GATAD1: variants seen among roughly 807,000 people sequenced by gnomAD.
GATAD1 encodes the protein GATA zinc finger domain-containing protein 1.
GATAD1 carries 12 observed loss-of-function variants against 26.5 expected under a neutral mutation model. The ratio of observed to expected loss-of-function variants is 0.45; its 90% CI spans 0.29 to 0.73. The LOEUF (loss-of-function observed/expected upper bound fraction) is 0.73. Ranked by LOEUF, GATAD1 falls within the 30% of genes least tolerant of loss-of-function variation. The pLI is 0.10. For synonymous variants in GATAD1, 129 were observed against 133.1 expected, an observed-to-expected ratio of 0.97 and a Z score of 0.21; for missense variants, 266 against 342.1, an observed-to-expected ratio of 0.78 and a Z score of 1.75.
the GATAD1 span, among the ~76,000 whole-genome samples, chr7:92,467,985 C>T: frequency 1.3e-5 from 2 of 152,178 alleles, no homozygotes; most frequent in African/African-American, 4.8e-5. Flanking sequence ...ACTTGGGGGT[C>T]CTTGCTCACA....
chr7:92,468,435 AGGGAGG>A, the GATAD1 span: 1 of 199,870 alleles, frequency 5.0e-6, no homozygotes, highest in Non-Finnish European at 1.0e-5. Context: ...TCCCATACAA[AGGGAGG>A]GGACCCAAAG....
the GATAD1 span, among the ~76,000 whole-genome samples, chr7:92,482,911 TGAAAA>T: frequency 1.3e-5 from 2 of 151,948 alleles, no homozygotes; most frequent in Non-Finnish European, 2.9e-5. Context: ...AACAGGCCCT[TGAAAA>T]GAAGGTGATG....
intron 3 of GATAD1, 165 bp from the exon 4 acceptor site, chr7:92,454,337 A>C: frequency 3.3e-6 from 2 of 606,398 alleles, no homozygotes; most frequent in Non-Finnish European, 5.8e-6. Flanking sequence ...TTCAAACGTG[A>C]AACAACTTTA....
intron 4 of GATAD1, among the ~76,000 whole-genome samples, chr7:92,455,116 G>T (rs939416423): frequency 3.3e-5 from 5 of 151,426 alleles, no homozygotes; most frequent in African/African-American, 7.3e-5. Flanking sequence ...GTGGCGGGGG[G>T]GGATGCAATT....
the GATAD1 span, chr7:92,489,248 A>G: frequency 6.4e-7 from 1 of 1,554,114 alleles, no homozygotes; most frequent in Non-Finnish European, 8.9e-7. Flanking sequence ...ATACTATGTC[A>G]CTTGTAATAG....
At chr7:92,492,480 T>C in the GATAD1 span, among the ~76,000 whole-genome samples, 1 of 152,106 alleles carries the variant, frequency 6.6e-6, no homozygotes, top group African/African-American at 2.4e-5. Context: ...AATAACTTAC[T>C]GTATCTGGAA....
At chr7:92,468,552 C>T in the GATAD1 span, 1 of 425,552 alleles carries the variant, frequency 2.3e-6, no homozygotes. Context: ...TCTTTACCTC[C>T]TGTCTTTGCC....
the GATAD1 span, among the ~76,000 whole-genome samples, chr7:92,483,482 G>A: frequency 6.6e-6 from 1 of 152,214 alleles, no homozygotes; most frequent in Non-Finnish European, 1.5e-5. Flanking sequence ...AATTTTTGGA[G>A]CTTTATTTAA....
chr7:92,494,339 C>G, the GATAD1 span: 1 of 1,613,984 alleles, frequency 6.2e-7, no homozygotes, highest in South Asian at 1.1e-5. Context: ...TCGACCAGGC[C>G]TAAGCAGGGC....
In GATAD1 at chr7:92,456,832, A is replaced by G. The variant is rs1789694000; in HGVS notation, c.*270A>G. 1 of 331,172 alleles carries G rather than the reference A, an allele frequency of 3.0e-6. No homozygotes were observed. The highest frequency in any genetic ancestry group is 4.8e-5 in the Admixed American group (1 of 21,048). 20.5% of individuals were successfully genotyped at this position (331,172 alleles called of 1,614,324 possible). Reference sequence around the variant, plus strand: ...AACAAATCATTGTTTATTACTGGTCACTTAGAAAATTAAAAGGGATAGGGC... The same window carrying G: ...AACAAATCATTGTTTATTACTGGTCGCTTAGAAAATTAAAAGGGATAGGGC... On this transcript the variant is annotated 3_prime_UTR_variant, in exon 5 of 5. Coordinates refer to ENST00000287957, the MANE Select transcript of GATAD1 (RefSeq NM_021167.5).
the GATAD1 span, among the ~76,000 whole-genome samples, chr7:92,480,870 T>C: frequency 6.6e-6 from 1 of 152,164 alleles, no homozygotes; most frequent in African/African-American, 2.4e-5. Flanking sequence ...AGAGTTTTTA[T>C]TAAAGAGGCA....
intron 2 of GATAD1, 55 bp from the exon 3 acceptor site, chr7:92,450,646 T>C: frequency 8.6e-7 from 1 of 1,159,018 alleles, no homozygotes; most frequent in Non-Finnish European, 1.3e-6. Context: ...GCTGGGAAAA[T>C]GCCTGTAGAC....
chr7:92,489,457 A>AT, the GATAD1 span: 42 of 1,596,224 alleles, frequency 2.6e-5, no homozygotes, highest in African/African-American at 5.6e-4. Context: ...GAAGAGTTAA[A>AT]TTAAGGATGT....
At position 92,456,409 on chromosome 7, in the gene GATAD1, G is replaced by C; in HGVS notation, c.657G>C (p.Leu219Phe). 1 of 1,612,862 alleles carries C rather than the reference G, an allele frequency of 6.2e-7. No homozygotes were observed. The highest frequency in any genetic ancestry group is 8.5e-7 in the Non-Finnish European group (1 of 1,179,178). Residue 219 changes from leucine to phenylalanine, a missense_variant, in exon 5 of 5, where the codon TTG (leucine) becomes TTC (phenylalanine). Physicochemically the swap from Leu to Phe is conservative, Grantham distance 22. Coordinates refer to ENST00000287957, the MANE Select transcript of GATAD1 (RefSeq NM_021167.5). ...ATCTTCCAAGGAAGATGGAATACTTGGAATTTGTTTGTCATGCACCTTCTG... is the reference window on the plus strand; with the variant it reads ...ATCTTCCAAGGAAGATGGAATACTTCGAATTTGTTTGTCATGCACCTTCTG... ...EEDLPRKMEY[L>F]EFVCHAPSEY...
chr7:92,448,013 C>T, intron 1 of GATAD1, 35 bp downstream of exon 1: 1 of 1,204,394 alleles, frequency 8.3e-7, no homozygotes, highest in Non-Finnish European at 1.0e-6. Flanking sequence ...CGGCGGAGGC[C>T]GACCAGGTGC....
chr7:92,485,879 G>C, the GATAD1 span, among the ~76,000 whole-genome samples: 1 of 152,252 alleles, frequency 6.6e-6, no homozygotes, highest in African/African-American at 2.4e-5. Context: ...ACACAACTGG[G>C]TATGAGGTCT....
downstream of GATAD1, chr7:92,461,207 T>G (rs1207496484): frequency 6.6e-6 from 1 of 152,306 alleles, no homozygotes; most frequent in African/African-American, 2.4e-5. Flanking sequence ...CACCAGCTTC[T>G]TCTGCAGGGT....
the GATAD1 span, among the ~76,000 whole-genome samples, chr7:92,490,463 C>T: frequency 6.6e-6 from 1 of 151,820 alleles, no homozygotes; most frequent in Non-Finnish European, 1.5e-5. Flanking sequence ...GGTGAAACCT[C>T]GTCTCTACAA....
At chr7:92,452,462 G>A (rs771142332) in intron 3 of GATAD1, among the ~76,000 whole-genome samples, 2 of 152,226 alleles carry the variant, frequency 1.3e-5, no homozygotes, top group Non-Finnish European at 2.9e-5. Flanking sequence ...CTGAGTGGGA[G>A]CCACTGGGGA....
Sources: allele counts gnomAD v4.1 joint callset (sites outside exome capture counted in the v4.1 genomes callset), GRCh38; gene constraint gnomAD v4.1.1; transcripts MANE v1.5; gene names NCBI Gene and HGNC (gene_info 2026-07-23, HGNC 2026-07-21).